Variants in TANC1 observed in about 807,000 individuals in gnomAD.
The protein encoded by TANC1 is protein TANC1.
In TANC1, 77 loss-of-function variants were observed where a neutral mutation model predicts 149.7. That is an observed-to-expected ratio of 0.51 (90% CI 0.43 to 0.62). The LOEUF is 0.62. TANC1 is among the 20% of genes least tolerant of loss of function. The probability of loss-of-function intolerance (pLI) is 0.00; values close to 1 mark genes in which losing one functional copy is unlikely to be tolerated. For synonymous variants in TANC1, 854 were observed against 925.0 expected, an observed-to-expected ratio of 0.92 and a Z score of 1.39; for missense variants, 1,985 against 2,321.8, an observed-to-expected ratio of 0.85 and a Z score of 2.98.
At chr2:159,145,955 G>A (rs2052036240) in intron 5 of TANC1, among the ~76,000 whole-genome samples, 1 of 152,154 alleles carries the variant, frequency 6.6e-6, no homozygotes, top group Non-Finnish European at 1.5e-5. Context: ...TTATTGATCA[G>A]CGATTTAATA....
intron 4 of TANC1, among the ~76,000 whole-genome samples, chr2:159,129,012 A>G (rs888703123): frequency 6.6e-6 from 1 of 152,162 alleles, no homozygotes; most frequent in Non-Finnish European, 1.5e-5. Context: ...GAAAACCTAG[A>G]TCAGATAAAA....
At chr2:158,992,786 C>T (rs183183903) in intron 1 of TANC1, among the ~76,000 whole-genome samples, 21 of 150,684 alleles carry the variant, frequency 1.4e-4, no homozygotes, top group Admixed American at 1.1e-3. Flanking sequence ...TCCCAAAGTG[C>T]TGGGATTACA....
intron 11 of TANC1, among the ~76,000 whole-genome samples, chr2:159,174,704 A>T (rs2055645143): frequency 6.6e-6 from 1 of 152,192 alleles, no homozygotes; most frequent in African/African-American, 2.4e-5. Context: ...ATACAAAAAT[A>T]AAAAAATAAC....
chr2:159,079,085 A>G (rs1278838694), intron 3 of TANC1, among the ~76,000 whole-genome samples: 1 of 152,136 alleles, frequency 6.6e-6, no homozygotes, highest in East Asian at 1.9e-4. Flanking sequence ...TTTGGTACTT[A>G]AATGTTTGGG....
chr2:159,228,059 C>A, intron 25 of TANC1, 94 bp downstream of exon 25: 2 of 1,369,244 alleles, frequency 1.5e-6, no homozygotes, highest in Non-Finnish European at 9.9e-7. Context: ...AGATCCTGGG[C>A]CCTCCTGTCC....
At position 159,133,424 on chromosome 2, in the gene TANC1, G is replaced by A. The variant is rs980286643; in HGVS notation, c.260-2770G>A. Among the ~76,000 whole-genome samples the A allele has an allele frequency of 1.7e-4, 26 of 151,070 alleles. 1 individual carries two copies. In the South Asian group the frequency reaches 4.4e-3, roughly 25 times the overall value. On this transcript the variant is annotated intron_variant, in intron 4 of 26. Coordinates refer to ENST00000263635, the MANE Select transcript of TANC1 (RefSeq NM_033394.3). Reference sequence around the variant, plus strand: ...GGCTGGAGCACAGTGGTGCAATCACGGCTTACTGTAGCCTCCAACTCCTGG... The same window carrying A: ...GGCTGGAGCACAGTGGTGCAATCACAGCTTACTGTAGCCTCCAACTCCTGG...
At chr2:159,026,266 A>C (rs1430996472) in intron 2 of TANC1, among the ~76,000 whole-genome samples, 2 of 152,136 alleles carry the variant, frequency 1.3e-5, no homozygotes, top group Non-Finnish European at 2.9e-5. Context: ...TGTTTAGTTC[A>C]TGTCCTCCTC....
chr2:159,002,669 G>A (rs970410455), intron 2 of TANC1, among the ~76,000 whole-genome samples: 6 of 152,150 alleles, frequency 3.9e-5, no homozygotes, highest in Non-Finnish European at 5.9e-5. Flanking sequence ...TTTGTGAGCT[G>A]CTGAGGAGGG....
intron 5 of TANC1, among the ~76,000 whole-genome samples, chr2:159,147,161 G>A (rs62171100): frequency 0.034 from 5,228 of 152,182 alleles, 104 homozygotes; most frequent in Non-Finnish European, 0.046. Context: ...CTGCCTCCAC[G>A]GCAGCTGCCA....
At chr2:159,002,324 C>T (rs1214437927) in intron 2 of TANC1, among the ~76,000 whole-genome samples, 3 of 152,068 alleles carry the variant, frequency 2.0e-5, no homozygotes, top group Non-Finnish European at 2.9e-5. Context: ...GCAAGCTGAT[C>T]GTGAATTTAG....
intron 4 of TANC1, among the ~76,000 whole-genome samples, chr2:159,109,791 AC>A (rs1322633594): frequency 6.6e-6 from 1 of 152,126 alleles, no homozygotes; most frequent in Admixed American, 6.5e-5. Flanking sequence ...TCACAGTATC[AC>A]ACCACATGTA....
chr2:159,027,849 C>G (rs2039469971), intron 2 of TANC1, among the ~76,000 whole-genome samples: 1 of 152,208 alleles, frequency 6.6e-6, no homozygotes, highest in South Asian at 2.1e-4. Context: ...GAGCATGGTG[C>G]TGGCATCTGC....
At chr2:159,070,024 C>T (rs908381400) in intron 3 of TANC1, among the ~76,000 whole-genome samples, 1 of 152,004 alleles carries the variant, frequency 6.6e-6, no homozygotes, top group African/African-American at 2.4e-5. Flanking sequence ...CTACACAATG[C>T]ACCCACTTTG....
intron 22 of TANC1, among the ~76,000 whole-genome samples, chr2:159,223,281 A>AG (rs1191950205): frequency 1.3e-5 from 2 of 151,970 alleles, no homozygotes; most frequent in Admixed American, 1.3e-4. Flanking sequence ...TGCATGTCTG[A>AG]GGTGCTTTTT....
intron 7 of TANC1, among the ~76,000 whole-genome samples, chr2:159,162,924 A>T (rs1323939674): frequency 3.3e-5 from 5 of 152,212 alleles, no homozygotes; most frequent in Non-Finnish European, 7.3e-5. Context: ...GGTTCAAAGG[A>T]ATTTAATGAG....
In TANC1 at chr2:159,118,340, C is replaced by A. The variant is rs569164943; in HGVS notation, c.260-17854C>A. On this transcript the variant is annotated intron_variant, in intron 4 of 26. Transcript: ENST00000263635. ...ACACTTAGGGGTATGGTGGTGTACA[C>A]CACCACCATGAGAGTGGAGGATCTA... Among the ~76,000 whole-genome samples, 134 of 152,280 alleles carry A rather than the reference C, an allele frequency of 8.8e-4. 1 individual carries two copies. The highest frequency in any genetic ancestry group is 2.9e-3 in the African/African-American group (122 of 41,550).
chr2:159,039,646 T>C (rs564838738), intron 2 of TANC1, among the ~76,000 whole-genome samples: 20 of 152,362 alleles, frequency 1.3e-4, no homozygotes, highest in African/African-American at 4.6e-4. Flanking sequence ...TCAGTTTCCA[T>C]GTAGTTGTGC....
At chr2:159,154,092 G>A (rs1462336106) in intron 7 of TANC1, among the ~76,000 whole-genome samples, 1 of 152,164 alleles carries the variant, frequency 6.6e-6, no homozygotes, top group Non-Finnish European at 1.5e-5. Context: ...AGTAGAGCTG[G>A]GTTTGGAATG....
intron 2 of TANC1, among the ~76,000 whole-genome samples, chr2:159,015,001 T>C (rs1490691084): frequency 6.6e-6 from 1 of 152,210 alleles, no homozygotes; most frequent in Non-Finnish European, 1.5e-5. Context: ...TTCTGGGGTC[T>C]GGAGGATGAT....
Sources: allele counts gnomAD v4.1 joint callset (sites outside exome capture counted in the v4.1 genomes callset), GRCh38; gene constraint gnomAD v4.1.1; transcripts MANE v1.5; gene names NCBI Gene and HGNC (gene_info 2026-07-23, HGNC 2026-07-21).